SLC35F3: variants seen among roughly 807,000 people sequenced by gnomAD.
SLC35F3 encodes solute carrier family 35 member F3.
A neutral mutation model predicts 49.9 loss-of-function variants in SLC35F3; 25 were observed. That is an observed-to-expected ratio of 0.50 (90% CI 0.37 to 0.70). The LOEUF is 0.70. Among genes scored for constraint, SLC35F3 ranks in the 30% least tolerant of loss-of-function variants. SLC35F3 has a pLI of 0.00. For missense variants in SLC35F3, 525 were observed against 639.8 expected (o/e 0.82, Z 1.94); for synonymous variants, 275 against 265.4 (o/e 1.04, Z -0.35).
chr1:234,309,159 G>A lies in SLC35F3; in HGVS notation c.667G>A (p.Ala223Thr), dbSNP rs1263916726. 6.2e-7 allele frequency: 1 copy of A among 1,614,124 alleles called. No individual in the cohort carries two copies. The highest frequency in any genetic ancestry group is 8.5e-7 in the Non-Finnish European group (1 of 1,180,034). ...GLTLKVFFTKAAPFGVLWTLT... is the reference protein window; with the variant it reads ...GLTLKVFFTKTAPFGVLWTLT... ...GACTTTGAAGGTGTTTTTTACCAAG[G>A]CAGCACCCTTTGGTGTTCTTTGGAC... Residue 223 changes from alanine (A) to threonine (T), a missense_variant, in exon 4 of 8, where the codon GCA (alanine) becomes ACA (threonine). Physicochemically the swap from Ala to Thr is moderately conservative, Grantham distance 58. This residue lies in a region of SLC35F3 where 216 missense variants were observed against 298.1 expected (regional missense o/e 0.72). Coordinates refer to ENST00000366618, the MANE Select transcript of SLC35F3 (RefSeq NM_173508.4).
intron 2 of SLC35F3, among the ~76,000 whole-genome samples, chr1:234,134,272 T>G (rs1207696892): frequency 6.7e-6 from 1 of 148,714 alleles, no homozygotes; most frequent in Admixed American, 6.7e-5. Flanking sequence ...TATAATTAAT[T>G]ATATATTAAT....
At chr1:234,017,349 T>G (rs1663818292) in intron 2 of SLC35F3, among the ~76,000 whole-genome samples, 1 of 152,186 alleles carries the variant, frequency 6.6e-6, no homozygotes, top group African/African-American at 2.4e-5. Context: ...AAGGTTAGGT[T>G]CCTGTGAGCT....
chr1:234,317,582 G>A (rs1657521801), intron 5 of SLC35F3, among the ~76,000 whole-genome samples: 1 of 152,182 alleles, frequency 6.6e-6, no homozygotes, highest in South Asian at 2.1e-4. Flanking sequence ...CAAAGAAAAG[G>A]CATTTTTTTC....
chr1:234,254,228 G>C (rs533396751), intron 3 of SLC35F3, among the ~76,000 whole-genome samples: 1 of 152,072 alleles, frequency 6.6e-6, no homozygotes, highest in African/African-American at 2.4e-5. Flanking sequence ...CTATGCACTG[G>C]CTTTCTATAT....
chr1:234,219,055 CAAA>C (rs60342594), intron 2 of SLC35F3, among the ~76,000 whole-genome samples: 24 of 55,282 alleles, frequency 4.3e-4, no homozygotes, highest in South Asian at 2.1e-3. Context: ...GACTCCATCT[CAAA>C]AAAAAAAAAA....
At chr1:234,237,900 C>T (rs1048690926) in intron 3 of SLC35F3, among the ~76,000 whole-genome samples, 3 of 152,106 alleles carry the variant, frequency 2.0e-5, no homozygotes, top group South Asian at 4.2e-4. Flanking sequence ...GATGAGGTTT[C>T]GCCATGTTGC....
At chr1:234,015,219 G>A (rs759283295) in intron 2 of SLC35F3, among the ~76,000 whole-genome samples, 5 of 151,944 alleles carry the variant, frequency 3.3e-5, no homozygotes, top group Non-Finnish European at 7.4e-5. Flanking sequence ...GGTGTGGTGT[G>A]CCCCTGTAAT....
chr1:234,304,753 A>G (rs1657093462), intron 3 of SLC35F3, among the ~76,000 whole-genome samples: 1 of 152,198 alleles, frequency 6.6e-6, no homozygotes, highest in South Asian at 2.1e-4. Flanking sequence ...TATCTCCCCA[A>G]TTACACCTTC....
intron 2 of SLC35F3, among the ~76,000 whole-genome samples, chr1:233,960,656 G>T (rs899369689): frequency 2.0e-5 from 3 of 152,166 alleles, no homozygotes; most frequent in African/African-American, 7.2e-5. Flanking sequence ...TCCCCTGGCA[G>T]ATTTCCCAAT....
rs545589534 is a variant in SLC35F3 at position 234,088,488 on chromosome 1, G to A, written c.284-142929G>A. On this transcript the variant is annotated intron_variant, in intron 2 of 7. Transcript: ENST00000366618. ...CTCCCAAAGTGCTGGGATTACAGGC[G>A]TGAGCCACTGTGCCCAGCCAGTAAA... 1.4e-4 allele frequency among the ~76,000 whole-genome samples: 21 copies of A among 152,028 alleles called. No individual in the cohort carries two copies. The South Asian group carries it at 2.9e-3, about 21-fold the overall frequency.
At chr1:234,142,729 G>C (rs1436551504) in intron 2 of SLC35F3, among the ~76,000 whole-genome samples, 2 of 151,926 alleles carry the variant, frequency 1.3e-5, no homozygotes, top group Admixed American at 1.3e-4. Context: ...AATCCAATGG[G>C]GCCAGTGTAT....
chr1:233,936,536 TTCC>T lies in SLC35F3; in HGVS notation c.283+30793_283+30795del, dbSNP rs751068558. Among the ~76,000 whole-genome samples the T allele has an allele frequency of 3.5e-3, 515 of 145,330 alleles. 7 individuals are homozygous for T. Among genetic ancestry groups the T allele is most frequent in the East Asian group, 0.019 (94 of 5,072 alleles). On this transcript the variant is annotated intron_variant, in intron 2 of 7. Transcript: ENST00000366618. ...CTTGTTCTCCTCCTCCTCCTCCTTC[TTCC>T]TCCTCCTCCTCCTCTTTCTTCTTCT...
chr1:234,105,151 G>T (rs1665267007), intron 2 of SLC35F3, among the ~76,000 whole-genome samples: 1 of 150,066 alleles, frequency 6.7e-6, no homozygotes, highest in African/African-American at 2.4e-5. Context: ...AAACCTTTGG[G>T]CTCCAACCCT....
At chr1:234,038,389 G>C (rs1269835252) in intron 2 of SLC35F3, among the ~76,000 whole-genome samples, 1 of 150,782 alleles carries the variant, frequency 6.6e-6, no homozygotes, top group Non-Finnish European at 1.5e-5. Context: ...TTGGTTCCAA[G>C]TCTTTGCTAT....
At chr1:234,165,179 G>A (rs970259130) in intron 2 of SLC35F3, among the ~76,000 whole-genome samples, 4 of 151,814 alleles carry the variant, frequency 2.6e-5, no homozygotes, top group Non-Finnish European at 2.9e-5. Context: ...ATATAGTTAC[G>A]GCTTGTTTAA....
intron 2 of SLC35F3, among the ~76,000 whole-genome samples, chr1:234,096,274 C>CCTCT (rs76965587): frequency 0.17 from 25,231 of 152,042 alleles, 3,520 homozygotes; most frequent in East Asian, 0.81. Context: ...CCCACATCAC[C>CCTCT]CTTTTTCCTC....
intron 2 of SLC35F3, among the ~76,000 whole-genome samples, chr1:234,162,642 A>C (rs1036886523): frequency 6.6e-6 from 1 of 152,042 alleles, no homozygotes; most frequent in Non-Finnish European, 1.5e-5. Context: ...GCTTAGAGTG[A>C]GCAGATTTCT....
chr1:234,037,760 A>G (rs1249173075), intron 2 of SLC35F3, among the ~76,000 whole-genome samples: 1 of 152,218 alleles, frequency 6.6e-6, no homozygotes, highest in Non-Finnish European at 1.5e-5. Context: ...TGTGCCTGCT[A>G]AGAACTTTCC....
intron 2 of SLC35F3, among the ~76,000 whole-genome samples, chr1:233,923,815 T>G (rs953084452): frequency 6.6e-6 from 1 of 152,200 alleles, no homozygotes; most frequent in African/African-American, 2.4e-5. Context: ...TTGAGATACA[T>G]TCCATCGACA....
Sources: gnomAD v4.1 joint callset for allele counts (sites outside exome capture counted in the v4.1 genomes callset) on GRCh38, gnomAD v4.1.1 for gene constraint, gnomAD v4.1.1 regional missense constraint, MANE v1.5 for transcripts, NCBI Gene and HGNC (gene_info 2026-07-23, HGNC 2026-07-21) for gene names.